The following EPHA6 variants were observed in gnomAD, a reference collection of about 807,000 sequenced individuals.
The protein encoded by EPHA6 is EPH receptor A6.
A neutral mutation model predicts 112.0 loss-of-function variants in EPHA6; 50 were observed. The ratio of observed to expected loss-of-function variants is 0.45; its 90% CI spans 0.36 to 0.56. EPHA6 has a LOEUF of 0.56. EPHA6 is among the 20% of genes least tolerant of loss of function. The pLI is 0.00. For synonymous variants in EPHA6, 529 were observed against 490.7 expected (o/e 1.08, Z -1.03); for missense variants, 1,280 against 1,417.4 (o/e 0.90, Z 1.56).
intron 13 of EPHA6, among the ~76,000 whole-genome samples, chr3:97,623,110 T>G (rs567819845): frequency 7.6e-4 from 115 of 151,926 alleles, no homozygotes; most frequent in African/African-American, 2.7e-3. Context: ...AAGTTTCATG[T>G]GGCACAGTTT....
At chr3:97,610,987 G>C in intron 13 of EPHA6, 133 bp downstream of exon 13, 1 of 725,174 alleles carries the variant, frequency 1.4e-6, no homozygotes. Flanking sequence ...TTTCTCTAGG[G>C]TGCATTTCCC....
intron 15 of EPHA6, among the ~76,000 whole-genome samples, chr3:97,726,650 T>A (rs954848448): frequency 6.6e-6 from 1 of 152,068 alleles, no homozygotes; most frequent in Admixed American, 6.6e-5. Flanking sequence ...TTTCTTCTTT[T>A]TTATAAGGTA....
At chr3:97,218,115 T>C (rs2078084121) in intron 3 of EPHA6, among the ~76,000 whole-genome samples, 1 of 151,836 alleles carries the variant, frequency 6.6e-6, no homozygotes, top group Admixed American at 6.6e-5. Context: ...CTACAAAAAA[T>C]ACAAAAATTA....
chr3:97,640,202 A>T (rs960683526), intron 14 of EPHA6, among the ~76,000 whole-genome samples: 1 of 152,170 alleles, frequency 6.6e-6, no homozygotes, highest in Admixed American at 6.5e-5. Context: ...TGTGAACCAA[A>T]TCTTAGGAGA....
intron 2 of EPHA6, among the ~76,000 whole-genome samples, chr3:96,875,434 A>G (rs939459667): frequency 6.6e-6 from 1 of 152,150 alleles, no homozygotes; most frequent in Non-Finnish European, 1.5e-5. Context: ...CTTCCTGTAC[A>G]GCAACCTCTG....
intron 5 of EPHA6, among the ~76,000 whole-genome samples, chr3:97,403,617 T>G (rs1190709739): frequency 6.6e-6 from 1 of 152,090 alleles, no homozygotes; most frequent in Non-Finnish European, 1.5e-5. Context: ...TGGCTAATTT[T>G]GTGTATTTTT....
At chr3:97,072,877 G>A (rs767903823) in intron 3 of EPHA6, among the ~76,000 whole-genome samples, 2 of 152,014 alleles carry the variant, frequency 1.3e-5, no homozygotes, top group Admixed American at 6.6e-5. Flanking sequence ...TTTTCCCATT[G>A]GGATAGTACC....
At chr3:97,314,474 A>T (rs1428082331) in intron 5 of EPHA6, among the ~76,000 whole-genome samples, 1 of 151,638 alleles carries the variant, frequency 6.6e-6, no homozygotes, top group Admixed American at 6.6e-5. Context: ...AACCATTCTA[A>T]GGATTATAAT....
chr3:97,117,187 T>C (rs567909672), intron 3 of EPHA6, among the ~76,000 whole-genome samples: 1 of 151,810 alleles, frequency 6.6e-6, no homozygotes, highest in African/African-American at 2.4e-5. Flanking sequence ...GTTTTCTTAC[T>C]ATTGAGTTGT....
At chr3:96,894,373 G>T (rs1283952273) in intron 2 of EPHA6, among the ~76,000 whole-genome samples, 3 of 151,770 alleles carry the variant, frequency 2.0e-5, no homozygotes, top group Non-Finnish European at 4.4e-5. Context: ...CCTTTTATTG[G>T]TGATCTTCAT....
chr3:96,975,527 A>G (rs559012650), intron 2 of EPHA6, among the ~76,000 whole-genome samples: 36 of 152,338 alleles, frequency 2.4e-4, no homozygotes, highest in African/African-American at 7.2e-4. Context: ...TATTGGACCA[A>G]TGAAGACCAA....
At chr3:97,242,713 C>CTTGAA (rs572288678) in intron 4 of EPHA6, among the ~76,000 whole-genome samples, 335 of 151,902 alleles carry the variant, frequency 2.2e-3, no homozygotes, top group African/African-American at 7.7e-3. Flanking sequence ...TATATCAAAA[C>CTTGAA]TTGAATTTAT....
chr3:97,053,046 A>G (rs913800527), intron 3 of EPHA6, among the ~76,000 whole-genome samples: 1 of 152,144 alleles, frequency 6.6e-6, no homozygotes, highest in Admixed American at 6.6e-5. Context: ...GGCCCTTTAC[A>G]GAAGTGTGAC....
At chr3:97,336,083 G>A (rs752873275) in intron 5 of EPHA6, among the ~76,000 whole-genome samples, 1 of 152,132 alleles carries the variant, frequency 6.6e-6, no homozygotes, top group South Asian at 2.1e-4. Context: ...ACTTGGAGAG[G>A]TTTAGAATCT....
At chr3:97,358,814 C>G (rs778649674) in intron 5 of EPHA6, among the ~76,000 whole-genome samples, 1 of 152,014 alleles carries the variant, frequency 6.6e-6, no homozygotes, top group Non-Finnish European at 1.5e-5. Flanking sequence ...TTGAAGGACA[C>G]TTTTGTCAGA....
At chr3:97,225,350 C>G (rs948180835) in intron 3 of EPHA6, among the ~76,000 whole-genome samples, 22 of 152,140 alleles carry the variant, frequency 1.4e-4, no homozygotes. Flanking sequence ...TATTGGCAAA[C>G]TGTATAAGGT....
chr3:96,861,191 T>A (rs1225369687), intron 1 of EPHA6, among the ~76,000 whole-genome samples: 1 of 152,084 alleles, frequency 6.6e-6, no homozygotes, highest in Admixed American at 6.6e-5. Flanking sequence ...AATAAGAAGG[T>A]ATGAAAGTCA....
chr3:97,311,992 T>C (rs929578802), intron 5 of EPHA6, among the ~76,000 whole-genome samples: 2 of 151,640 alleles, frequency 1.3e-5, no homozygotes, highest in Non-Finnish European at 3.0e-5. Context: ...TAGAGTGTAA[T>C]TTTTCTTAGC....
rs566264015 is a variant in EPHA6, at chr3:97,400,210, T to C, written c.1607-4940T>C. On this transcript the variant is annotated intron_variant, in intron 5 of 17. Transcript: ENST00000389672. The stretch of plus-strand genomic sequence containing the variant: ...ATTGAAAAGATGCCAAAAACATATA[T>C]TGAGGAAAGGAATGTATGTTTTTGG... 4.0e-5 allele frequency among the ~76,000 whole-genome samples: 6 copies of C among 151,798 alleles called. No homozygotes were observed. The East Asian group carries it at 1.2e-3, about 29-fold the overall frequency.
Sources: gnomAD v4.1 joint callset for allele counts (sites outside exome capture counted in the v4.1 genomes callset) on GRCh38, gnomAD v4.1.1 for gene constraint, MANE v1.5 for transcripts, NCBI Gene and HGNC (gene_info 2026-07-23, HGNC 2026-07-21) for gene names.